The following RIT2 variants were observed in gnomAD, a reference collection of about 807,000 sequenced individuals.
RIT2 encodes Ras like without CAAX 2.
Under a neutral mutation model 23.7 loss-of-function variants are expected in RIT2, and 24 were observed. The ratio of observed to expected loss-of-function variants is 1.01; its 90% CI spans 0.73 to 1.43. RIT2 has a LOEUF of 1.43. Among genes scored for constraint, RIT2 ranks in the 40% most tolerant of loss-of-function variants. The probability of loss-of-function intolerance (pLI) is 0.00; values close to 1 mark genes in which losing one functional copy is unlikely to be tolerated. For missense variants in RIT2, 236 were observed against 266.9 expected, an observed-to-expected ratio of 0.88 and a Z score of 0.81; for synonymous variants, 107 against 91.1, an observed-to-expected ratio of 1.17 and a Z score of -0.99.
chr18:43,005,385 A>T (rs1310297631), intron 2 of RIT2, among the ~76,000 whole-genome samples: 1 of 151,854 alleles, frequency 6.6e-6, no homozygotes, highest in African/African-American at 2.4e-5. Flanking sequence ...TGTAATATAC[A>T]CTTTTATCAT....
intron 1 of RIT2, among the ~76,000 whole-genome samples, chr18:43,091,513 G>T (rs1322811663): frequency 6.6e-6 from 1 of 151,984 alleles, no homozygotes; most frequent in Non-Finnish European, 1.5e-5. Context: ...GAAACCCCTT[G>T]CTTCTGATAA....
At chr18:42,767,381 C>A (rs921595582) in intron 4 of RIT2, among the ~76,000 whole-genome samples, 3 of 152,200 alleles carry the variant, frequency 2.0e-5, no homozygotes, top group African/African-American at 7.2e-5. Context: ...GACTGCCCTG[C>A]TGGATTTTGG....
intron 1 of RIT2, among the ~76,000 whole-genome samples, chr18:43,056,704 T>C (rs1269985451): frequency 6.6e-6 from 1 of 152,168 alleles, no homozygotes; most frequent in Non-Finnish European, 1.5e-5. Context: ...CCAAAGTCTA[T>C]GGAGACTACA....
rs145454682 is a variant in RIT2, at chr18:42,925,748, C to T, written c.235-1985G>A. 4.0e-5 allele frequency among the ~76,000 whole-genome samples: 6 copies of T among 151,812 alleles called. No homozygotes were observed. In the East Asian group the frequency reaches 1.2e-3, roughly 29 times the overall value. On this transcript the variant is annotated intron_variant, in intron 3 of 4. Transcript: ENST00000326695. Reference sequence around the variant, plus strand: ...AGTTAATAGCTTCTTTAACTTTACACTACTGTCTGTGTACATACAAGCATA... The same window carrying T: ...AGTTAATAGCTTCTTTAACTTTACATTACTGTCTGTGTACATACAAGCATA...
intron 3 of RIT2, among the ~76,000 whole-genome samples, chr18:42,934,796 G>A (rs1909411602): frequency 6.6e-6 from 1 of 152,068 alleles, no homozygotes; most frequent in African/African-American, 2.4e-5. Flanking sequence ...TTCTATTGCA[G>A]CAATATTTTA....
intron 2 of RIT2, among the ~76,000 whole-genome samples, chr18:42,992,069 A>G (rs1037019937): frequency 1.4e-4 from 21 of 151,764 alleles, no homozygotes; most frequent in African/African-American, 5.1e-4. Flanking sequence ...GAGGGTAAGA[A>G]CCCCCTAACT....
chr18:43,034,317 T>C (rs190939848), intron 1 of RIT2, among the ~76,000 whole-genome samples: 155 of 152,306 alleles, frequency 1.0e-3, no homozygotes, highest in Admixed American at 4.2e-3. Context: ...ACTATAAAGA[T>C]ATGTAATTAC....
At chr18:42,883,991 G>A (rs145813548) in intron 4 of RIT2, among the ~76,000 whole-genome samples, 120 of 152,270 alleles carry the variant, frequency 7.9e-4, no homozygotes, top group African/African-American at 2.8e-3. Flanking sequence ...ACATTTGCAA[G>A]CCAATAAACT....
chr18:42,825,152 G>C lies in RIT2; in HGVS notation c.427-81432C>G, dbSNP rs540665031. Among the ~76,000 whole-genome samples, 81 of 151,784 alleles carry C rather than the reference G, an allele frequency of 5.3e-4. 1 individual carries two copies. In the South Asian group the frequency reaches 6.6e-3, roughly 12 times the overall value. ...GGTCACCTCAGGTTTGTAAGTAACTGATGAAAATTATTTCCATTAATATAT... is the reference window on the plus strand; with the variant it reads ...GGTCACCTCAGGTTTGTAAGTAACTCATGAAAATTATTTCCATTAATATAT... On this transcript the variant is annotated intron_variant, in intron 4 of 4. Coordinates refer to ENST00000326695, the MANE Select transcript of RIT2 (RefSeq NM_002930.4).
chr18:42,809,395 T>C (rs1905775452), intron 4 of RIT2, among the ~76,000 whole-genome samples: 1 of 152,020 alleles, frequency 6.6e-6, no homozygotes, highest in African/African-American at 2.4e-5. Context: ...AAGTAAGGCT[T>C]CAGTTTGAGC....
intron 4 of RIT2, among the ~76,000 whole-genome samples, chr18:42,843,036 C>T (rs1244856430): frequency 6.6e-6 from 1 of 152,128 alleles, no homozygotes; most frequent in Non-Finnish European, 1.5e-5. Context: ...AACATTTTTA[C>T]CTAACATCTG....
chr18:42,828,003 C>CAAAAAAAAA (rs200737336), intron 4 of RIT2, among the ~76,000 whole-genome samples: 2 of 51,740 alleles, frequency 3.9e-5, no homozygotes, highest in Non-Finnish European at 7.9e-5. Context: ...GACTCCGTCT[C>CAAAAAAAAA]AAAAAAAAAA....
chr18:42,937,362 A>G (rs937613336), intron 3 of RIT2, among the ~76,000 whole-genome samples: 1 of 152,192 alleles, frequency 6.6e-6, no homozygotes, highest in Non-Finnish European at 1.5e-5. Flanking sequence ...AATGTCCTTG[A>G]AAACATGCCT....
At chr18:42,799,397 C>T (rs138499544) in intron 4 of RIT2, among the ~76,000 whole-genome samples, 1 of 152,238 alleles carries the variant, frequency 6.6e-6, no homozygotes, top group East Asian at 1.9e-4. Context: ...ATTTGAATGC[C>T]CAAATAAATA....
chr18:42,793,836 C>G (rs1914095052), intron 4 of RIT2, among the ~76,000 whole-genome samples: 1 of 152,172 alleles, frequency 6.6e-6, no homozygotes, highest in South Asian at 2.1e-4. Context: ...CTCCTCTACT[C>G]CTGTTATTTA....
chr18:42,863,418 G>A (rs12606859), intron 4 of RIT2, among the ~76,000 whole-genome samples: 7,624 of 152,028 alleles, frequency 0.05, 584 homozygotes, highest in East Asian at 0.31. Flanking sequence ...TTATTCTTCC[G>A]TTAAATATAC....
intron 2 of RIT2, among the ~76,000 whole-genome samples, chr18:43,018,884 C>A (rs1441113858): frequency 2.0e-5 from 3 of 151,350 alleles, no homozygotes; most frequent in African/African-American, 7.3e-5. Flanking sequence ...AGAGTAAATA[C>A]ATAAATAAGG....
At chr18:42,879,434 T>C (rs1006044164) in intron 4 of RIT2, among the ~76,000 whole-genome samples, 1 of 152,134 alleles carries the variant, frequency 6.6e-6, no homozygotes, top group Non-Finnish European at 1.5e-5. Context: ...TTTAAGGCAT[T>C]GCTTCACTGT....
At position 42,929,034 on chromosome 18, in the gene RIT2, G is replaced by GATAT. The variant is rs770619793; in HGVS notation, c.235-5275_235-5272dup. Among the ~76,000 whole-genome samples, 411 of 96,940 alleles carry GATAT rather than the reference G, an allele frequency of 4.2e-3. 10 individuals are homozygous for GATAT. Among genetic ancestry groups the GATAT allele is most frequent in the African/African-American group, 0.011 (266 of 25,304 alleles). The allele number at this position is 96,940 out of a possible 152,430, so 63.6% of individuals were successfully genotyped here. Reference sequence around the variant, plus strand: ...ACATATACTAAAACTAAAATATGGAGATATATATATATATATATATATATT... The same window carrying GATAT: ...ACATATACTAAAACTAAAATATGGAGATATATATATATATATATATATATATATT... On this transcript the variant is annotated intron_variant, in intron 3 of 4. Transcript: ENST00000326695.
Sources: allele counts gnomAD v4.1 joint callset (sites outside exome capture counted in the v4.1 genomes callset), GRCh38; gene constraint gnomAD v4.1.1; transcripts MANE v1.5; gene names NCBI Gene and HGNC (gene_info 2026-07-23, HGNC 2026-07-21).